GALNT13: variants seen among roughly 807,000 people sequenced by gnomAD.
GALNT13 encodes the protein UDP-GalNAc:polypeptide N-acetylgalactosaminyltransferase 13.
Under a neutral mutation model 64.2 loss-of-function variants are expected in GALNT13, and 28 were observed. The ratio of observed to expected loss-of-function variants is 0.44; its 90% CI spans 0.32 to 0.60. The LOEUF is 0.60. GALNT13 is among the 20% of genes least tolerant of loss of function. GALNT13 has a pLI of 0.05. For synonymous variants in GALNT13, 214 were observed against 224.6 expected (o/e 0.95, Z 0.42); for missense variants, 577 against 669.8 (o/e 0.86, Z 1.53).
At position 154,416,273 on chromosome 2, in the gene GALNT13, G is replaced by A. The variant is rs566362598; in HGVS notation, c.1395+7191G>A. 3.3e-5 allele frequency among the ~76,000 whole-genome samples: 5 copies of A among 152,250 alleles called. No individual in the cohort carries two copies. In the South Asian group the frequency reaches 1.0e-3, roughly 32 times the overall value. On this transcript the variant is annotated intron_variant, in intron 11 of 12. Coordinates refer to ENST00000392825, the MANE Select transcript of GALNT13 (RefSeq NM_052917.4). ...TGGAGGCTGAGAAGTCCAAGATCAA[G>A]ACACCAGCAGATTTGGTGTCTGATG...
At chr2:153,744,305 A>G in the GALNT13 span, among the ~76,000 whole-genome samples, 1 of 152,084 alleles carries the variant, frequency 6.6e-6, no homozygotes, top group African/African-American at 2.4e-5. Context: ...ACAATGTGCA[A>G]GGGTTCCCTT....
the GALNT13 span, among the ~76,000 whole-genome samples, chr2:153,279,700 G>A: frequency 1.3e-5 from 2 of 152,070 alleles, no homozygotes; most frequent in African/African-American, 4.8e-5. Flanking sequence ...TGCTCCCCAA[G>A]AATATAGCCT....
chr2:153,169,717 G>A, the GALNT13 span, among the ~76,000 whole-genome samples: 11 of 152,258 alleles, frequency 7.2e-5, no homozygotes, highest in Middle Eastern at 3.4e-3. Context: ...CTTGGGTGAG[G>A]CTGAGACAGA....
chr2:153,827,925 G>A, the GALNT13 span, among the ~76,000 whole-genome samples: 1 of 152,194 alleles, frequency 6.6e-6, no homozygotes, highest in Non-Finnish European at 1.5e-5. Context: ...CCAAATGGAA[G>A]AAATTGGCCA....
intron 4 of GALNT13, among the ~76,000 whole-genome samples, chr2:154,193,472 AC>A (rs1686708682): frequency 6.6e-6 from 1 of 152,162 alleles, no homozygotes; most frequent in African/African-American, 2.4e-5. Flanking sequence ...TTCCTGAAGA[AC>A]CGTGACCATG....
intron 9 of GALNT13, among the ~76,000 whole-genome samples, chr2:154,376,289 G>A (rs967816938): frequency 3.9e-5 from 6 of 151,912 alleles, no homozygotes; most frequent in Admixed American, 2.6e-4. Flanking sequence ...TTTGAGTTCA[G>A]CTACTTCTAT....
chr2:154,014,130 A>G (rs1348105343), intron 3 of GALNT13, among the ~76,000 whole-genome samples: 7 of 152,172 alleles, frequency 4.6e-5, no homozygotes, highest in Admixed American at 4.6e-4. Flanking sequence ...CCCAAATGCA[A>G]AAGCCACTTA....
the GALNT13 span, among the ~76,000 whole-genome samples, chr2:153,733,636 G>A: frequency 6.6e-6 from 1 of 152,120 alleles, no homozygotes; most frequent in East Asian, 1.9e-4. Context: ...TAGAATGAAT[G>A]TTATTAGATC....
At chr2:153,172,532 C>A in the GALNT13 span, among the ~76,000 whole-genome samples, 26 of 152,040 alleles carry the variant, frequency 1.7e-4, no homozygotes, top group South Asian at 4.6e-3. Flanking sequence ...GTAGACAATA[C>A]CACTAGGCCC....
At chr2:153,603,916 T>C in the GALNT13 span, among the ~76,000 whole-genome samples, 1 of 152,036 alleles carries the variant, frequency 6.6e-6, no homozygotes, top group African/African-American at 2.4e-5. Context: ...TCTTATGTTT[T>C]CTGTGTGTAT....
At chr2:154,375,772 G>C (rs2037661) in intron 9 of GALNT13, among the ~76,000 whole-genome samples, 103,790 of 151,984 alleles carry the variant, frequency 0.68, 35,921 homozygotes, top group East Asian at 0.75. Flanking sequence ...TTTTTTGCAC[G>C]GAGGGATTAG....
rs529493958 is a variant in GALNT13 at position 154,290,062 on chromosome 2, A to G, written c.976-11347A>G. 2.6e-5 allele frequency among the ~76,000 whole-genome samples: 4 copies of G among 152,340 alleles called. No homozygotes were observed. In the South Asian group the frequency reaches 8.3e-4, roughly 32 times the overall value. On this transcript the variant is annotated intron_variant, in intron 8 of 12. Transcript: ENST00000392825. ...AGAGCCATTCTCTTGGGTAAAGGCTATAAAAGTTGGGGCACTCAATGCATG... is the reference window on the plus strand; with the variant it reads ...AGAGCCATTCTCTTGGGTAAAGGCTGTAAAAGTTGGGGCACTCAATGCATG...
chr2:153,645,788 T>C, the GALNT13 span, among the ~76,000 whole-genome samples: 4 of 152,118 alleles, frequency 2.6e-5, no homozygotes, highest in African/African-American at 9.7e-5. Flanking sequence ...CATTTTACAT[T>C]CCTTTTTCCT....
intron 2 of GALNT13, among the ~76,000 whole-genome samples, chr2:153,905,765 A>G (rs59946445): frequency 0.089 from 13,471 of 152,068 alleles, 1,569 homozygotes; most frequent in East Asian, 0.62. Context: ...TTCTTAAAGG[A>G]AACACTTTAT....
the GALNT13 span, among the ~76,000 whole-genome samples, chr2:153,654,751 G>T: frequency 6.6e-6 from 1 of 151,700 alleles, no homozygotes; most frequent in Non-Finnish European, 1.5e-5. Context: ...AAATATCCAG[G>T]AGCATGTTTA....
Position 153,923,544 on chromosome 2 carries a change from AT to A in GALNT13, c.-104-20841del, listed in dbSNP as rs1029561735. ...TTAAATCTCAATCATGGTTGTTTTT[AT>A]TTTTTTTTATTATACTTTAAGTTCT... On this transcript the variant is annotated intron_variant, in intron 2 of 12. Transcript: ENST00000392825. 2.2e-4 allele frequency among the ~76,000 whole-genome samples: 33 copies of A among 150,770 alleles called. No homozygotes were observed. The East Asian group carries it at 2.3e-3, about 11-fold the overall frequency.
At chr2:154,151,017 A>G (rs1056441612) in intron 4 of GALNT13, among the ~76,000 whole-genome samples, 9 of 151,978 alleles carry the variant, frequency 5.9e-5, no homozygotes, top group East Asian at 1.9e-4. Context: ...TTTAATTGTG[A>G]TGTTAGGGGG....
At chr2:153,526,941 G>C in the GALNT13 span, among the ~76,000 whole-genome samples, 1 of 152,066 alleles carries the variant, frequency 6.6e-6, no homozygotes, top group Non-Finnish European at 1.5e-5. Context: ...GCAGAACTGA[G>C]CAGAAGAAGA....
chr2:153,522,797 A>G, the GALNT13 span, among the ~76,000 whole-genome samples: 3 of 152,190 alleles, frequency 2.0e-5, no homozygotes, highest in African/African-American at 7.2e-5. Context: ...TTTTCTCCCA[A>G]TCTGTGGCTT....
Sources: allele counts gnomAD v4.1 joint callset (sites outside exome capture counted in the v4.1 genomes callset), GRCh38; gene constraint gnomAD v4.1.1; transcripts MANE v1.5; gene names NCBI Gene and HGNC (gene_info 2026-07-23, HGNC 2026-07-21).